Variants in PELP1 observed in about 807,000 individuals in gnomAD.
The protein encoded by PELP1 is proline, glutamate and leucine rich protein 1.
A neutral mutation model predicts 95.5 loss-of-function variants in PELP1; 32 were observed. The ratio of observed to expected loss-of-function variants is 0.34; its 90% confidence interval spans 0.25 to 0.45. PELP1 has a LOEUF of 0.45. PELP1 is among the 20% of genes least tolerant of loss of function. The probability of loss-of-function intolerance (pLI) is 1.00; values close to 1 mark genes in which losing one functional copy is unlikely to be tolerated. For synonymous variants in PELP1, 668 were observed against 600.1 expected (o/e 1.11, Z -1.65); for missense variants, 1,358 against 1,444.8 (o/e 0.94, Z 0.97).
At chr17:4,695,680 A>G (rs1400550929) in intron 1 of PELP1, among the ~76,000 whole-genome samples, 2 of 150,562 alleles carry the variant, frequency 1.3e-5, no homozygotes, top group African/African-American at 4.9e-5. Context: ...AAAAAAAAAA[A>G]AAAAAAAAAA....
intron 3 of PELP1, among the ~76,000 whole-genome samples, chr17:4,690,061 T>C (rs1290427474): frequency 1.3e-5 from 2 of 151,906 alleles, no homozygotes; most frequent in Non-Finnish European, 2.9e-5. Context: ...AGAGAAAATG[T>C]GGTGTATATA....
chr17:4,689,992 C>T (rs1913037823), intron 3 of PELP1, among the ~76,000 whole-genome samples: 1 of 152,138 alleles, frequency 6.6e-6, no homozygotes, highest in Non-Finnish European at 1.5e-5. Context: ...CGCCACTGCA[C>T]TCCAGCCTGG....
chr17:4,673,233 TG>T lies in PELP1; in HGVS notation c.1845+16del. 1 of 1,556,840 alleles carries T rather than the reference TG, an allele frequency of 6.4e-7. No individual in the cohort carries two copies. Among genetic ancestry groups the T allele is most frequent in the Non-Finnish European group, 8.7e-7 (1 of 1,148,128 alleles). ...AGACTCCAGGAACCAAAGAGGGGCT[TG>T]GCCCATCACAGTTACCTCAAGGCTA... On this transcript the variant is annotated intron_variant, in intron 15 of 16. Coordinates refer to ENST00000572293, the MANE Select transcript of PELP1 (RefSeq NM_014389.3). The surrounding 1 kb of genome is among the most constrained non-coding windows in gnomAD (Gnocchi z 5.7).
At chr17:4,676,330 C>G in intron 7 of PELP1, 27 bp downstream of exon 7, 1 of 1,608,668 alleles carries the variant, frequency 6.2e-7, no homozygotes, top group Non-Finnish European at 8.5e-7. Context: ...CACTATTGTT[C>G]CACTAACTAG....
intron 2 of PELP1, 175 bp from the exon 3 acceptor site, chr17:4,691,168 G>C: frequency 3.1e-6 from 2 of 647,684 alleles, no homozygotes; most frequent in Non-Finnish European, 5.5e-6. Flanking sequence ...AGGGAGCAGA[G>C]GTAATCCCAG....
Position 4,672,147 on chromosome 17 carries a change from CTCTTCT to C in PELP1, c.2838_2843del (p.Glu948_Glu949del), listed in dbSNP as rs747605011. The C allele has an allele frequency of 2.2e-5, 34 of 1,548,296 alleles. No individual in the cohort carries two copies. The highest frequency in any genetic ancestry group is 1.7e-4 in the Middle Eastern group (1 of 5,836). On this transcript the variant is annotated inframe_deletion, in exon 16 of 17. Coordinates refer to ENST00000572293, the MANE Select transcript of PELP1 (RefSeq NM_014389.3). ...GTTCTTCTTCCTCCTCCTCATCCTC[CTCTTCT>C]TCTTCTTCCTCTAACTCACCTTCTT...
rs1361107806 is a variant in PELP1 at position 4,676,416 on chromosome 17, T to C, written c.794A>G (p.His265Arg). The change falls in exon 7 of 17, where the codon CAC (histidine) becomes CGC (arginine). Residue 265 changes from histidine to arginine, a missense_variant. Around this residue, in one of 7 missense-constraint regions of PELP1, gnomAD observed 538 missense variants for 628.1 expected, o/e 0.86. Transcript: ENST00000572293. ...GGTGTGCAGTGAGGCCAGCAGACTG[T>C]GTAGCTCCTGCTCCCAGCTCTCGGT... Reference protein sequence around the residue: ...KHTESWEQELHSLLASLHTLL... With the variant: ...KHTESWEQELRSLLASLHTLL... 6.2e-7 allele frequency: 1 copy of C among 1,613,436 alleles called. No homozygotes were observed.
At chr17:4,701,129 A>G (rs993108277) in intron 1 of PELP1, among the ~76,000 whole-genome samples, 12 of 151,992 alleles carry the variant, frequency 7.9e-5, no homozygotes, top group Admixed American at 3.3e-4. Context: ...GAAATTTTAT[A>G]TAAGTTTTAT....
At chr17:4,688,129 G>A (rs1912970638) in intron 3 of PELP1, among the ~76,000 whole-genome samples, 1 of 152,204 alleles carries the variant, frequency 6.6e-6, no homozygotes, top group South Asian at 2.1e-4. Flanking sequence ...GAGGTCAGGA[G>A]TTTGAGACCA....
rs1004711044 is a variant in PELP1, at chr17:4,675,510, A to G, written c.1069-148T>C. 2 of 716,296 alleles carry G rather than the reference A, an allele frequency of 2.8e-6. No homozygotes were observed. The highest frequency in any genetic ancestry group is 3.5e-5 in the African/African-American group (2 of 57,602). 44.4% of individuals were successfully genotyped at this position (716,296 alleles called of 1,614,324 possible). A position where few individuals can be genotyped will look rare whatever the true frequency, so the allele number is the denominator to read the frequency against. On this transcript the variant is annotated intron_variant, in intron 9 of 16. Coordinates refer to ENST00000572293, the MANE Select transcript of PELP1 (RefSeq NM_014389.3). This position sits in a 1 kb window ranked among gnomAD's most constrained non-coding sequence, Gnocchi z 4.3. ...GCTCTCCCAACAAAATCAAACCCCTATCCTCTAAAATAGACCCTGGATGGA... is the reference window on the plus strand; with the variant it reads ...GCTCTCCCAACAAAATCAAACCCCTGTCCTCTAAAATAGACCCTGGATGGA...
chr17:4,669,794 T>C lies in PELP1; in HGVS notation c.*1645A>G, dbSNP rs1436486247. ...GACAGTTTAGGAATTAATAGGAAAA[T>C]TTTAATATCACAATTATCACTGGAT... is the stretch of plus-strand genomic sequence containing the variant. On this transcript the variant is annotated 3_prime_UTR_variant, in exon 17 of 17. Transcript: ENST00000572293. The C allele has an allele frequency of 6.6e-6, 1 of 151,300 alleles. No individual in the cohort carries two copies. The highest frequency in any genetic ancestry group is 2.4e-5 in the African/African-American group (1 of 41,072). 9.4% of individuals were successfully genotyped at this position (151,300 alleles called of 1,614,324 possible). A position where few individuals can be genotyped will look rare whatever the true frequency, so the allele number is the denominator to read the frequency against.
rs760505004 is a variant in PELP1 at position 4,670,719 on chromosome 17, C to CAA, written c.*718_*719dup. The CAA allele has an allele frequency of 3.5e-5, 5 of 142,950 alleles. No individual in the cohort carries two copies. Among genetic ancestry groups the CAA allele is most frequent in the East Asian group, 2.0e-4 (1 of 4,958 alleles). The allele number at this position is 142,950 out of a possible 1,614,324, so 8.9% of individuals were successfully genotyped here. On this transcript the variant is annotated 3_prime_UTR_variant, in exon 17 of 17. Transcript: ENST00000572293. ...TGGGCGACAGAGCAGGAGTCCATCT[C>CAA]AAAAAAAAAAAGAAAAGAAAAGACA... is the stretch of plus-strand genomic sequence containing the variant.
chr17:4,697,889 A>C (rs1430298120), intron 1 of PELP1, among the ~76,000 whole-genome samples: 1 of 152,074 alleles, frequency 6.6e-6, no homozygotes, highest in Non-Finnish European at 1.5e-5. Flanking sequence ...ACTTAACTAC[A>C]AATGGAAAAA....
In PELP1 at chr17:4,675,532, T is replaced by A; in HGVS notation, c.1069-170A>T. 1 of 711,482 alleles carries A rather than the reference T, an allele frequency of 1.4e-6. No individual in the cohort carries two copies. The highest frequency in any genetic ancestry group is 1.5e-5 in the South Asian group (1 of 66,902). 44.1% of individuals were successfully genotyped at this position (711,482 alleles called of 1,614,324 possible). On this transcript the variant is annotated intron_variant, in intron 9 of 16. Coordinates refer to ENST00000572293, the MANE Select transcript of PELP1 (RefSeq NM_014389.3). This position sits in a 1 kb window ranked among gnomAD's most constrained non-coding sequence, Gnocchi z 4.3. The stretch of plus-strand genomic sequence containing the variant: ...CCTATCCTCTAAAATAGACCCTGGA[T>A]GGAAGGTAAGAAGGATGGCTGGGCC...
chr17:4,680,582 A>C (rs1270603969), intron 5 of PELP1, among the ~76,000 whole-genome samples: 1 of 152,062 alleles, frequency 6.6e-6, no homozygotes, highest in Non-Finnish European at 1.5e-5. Context: ...CCAGCCTCAT[A>C]ATCTCACTTT....
At chr17:4,679,584 T>C (rs950583911) in intron 5 of PELP1, among the ~76,000 whole-genome samples, 1 of 152,316 alleles carries the variant, frequency 6.6e-6, no homozygotes, top group East Asian at 1.9e-4. Flanking sequence ...AAATACACTT[T>C]TGCAGTAAAA....
chr17:4,691,980 C>T (rs554966441), intron 1 of PELP1, among the ~76,000 whole-genome samples: 11 of 152,224 alleles, frequency 7.2e-5, no homozygotes, highest in African/African-American at 2.6e-4. Context: ...TCCTCATCAG[C>T]CCCCCAGGTA....
In PELP1 at chr17:4,675,042, TC is replaced by T; in HGVS notation, c.1274+36del. The T allele has an allele frequency of 6.2e-7, 1 of 1,607,970 alleles. No homozygotes were observed. The highest frequency in any genetic ancestry group is 1.3e-5 in the African/African-American group (1 of 74,890). On this transcript the variant is annotated intron_variant, in intron 11 of 16. Transcript: ENST00000572293. This position sits in a 1 kb window ranked among gnomAD's most constrained non-coding sequence, Gnocchi z 4.3. ...CCACCTGCACCCCCTCACCCCCCTC[TC>T]CTCTTTATTCCCTTCCTGCCTTCCT...
In PELP1 at chr17:4,673,603, A is replaced by G. The variant is rs1183577730; in HGVS notation, c.1638+16T>C. On this transcript the variant is annotated intron_variant, in intron 14 of 16. Transcript: ENST00000572293. This position sits in a 1 kb window ranked among gnomAD's most constrained non-coding sequence, Gnocchi z 5.7. Reference sequence around the variant, plus strand: ...GGCCCCTTCCCCTATCTCCACGGAGACGAGGCTCCACTAACCCTGTGAGTC... The same window carrying G: ...GGCCCCTTCCCCTATCTCCACGGAGGCGAGGCTCCACTAACCCTGTGAGTC... 6 of 1,612,350 alleles carry G rather than the reference A, an allele frequency of 3.7e-6. No individual in the cohort carries two copies. In the Admixed American group the frequency reaches 1.0e-4, roughly 27 times the overall value.
Sources: gnomAD v4.1 joint callset for allele counts (sites outside exome capture counted in the v4.1 genomes callset) on GRCh38, gnomAD v4.1.1 for gene constraint, gnomAD v4.1.1 regional missense constraint, Gnocchi (gnomAD v3.1) non-coding constraint, MANE v1.5 for transcripts, NCBI Gene and HGNC (gene_info 2026-07-23, HGNC 2026-07-21) for gene names.